The following CPNE4 variants were observed in gnomAD, a reference collection of about 807,000 sequenced individuals.
CPNE4 encodes copine 4.
In CPNE4, 25 loss-of-function variants were observed where a neutral mutation model predicts 67.9. The observed-to-expected ratio is 0.37, with a 90% CI of 0.27 to 0.51. CPNE4 has a LOEUF of 0.51. Ranked by LOEUF, CPNE4 falls within the 20% of genes least tolerant of loss-of-function variation. The pLI, the probability that CPNE4 is intolerant of heterozygous loss-of-function variation, is 0.93. For missense variants in CPNE4, 464 were observed against 690.8 expected (o/e 0.67, Z 3.68); for synonymous variants, 242 against 244.9 (o/e 0.99, Z 0.11).
chr3:131,977,373 A>G (rs900724899), intron 1 of CPNE4, among the ~76,000 whole-genome samples: 1 of 152,188 alleles, frequency 6.6e-6, no homozygotes, highest in Admixed American at 6.5e-5. Flanking sequence ...AGTAATAATT[A>G]GCTATGACAG....
chr3:131,905,430 C>T lies in CPNE4; in HGVS notation c.14G>A (p.Ser5Asn). The stretch of plus-strand genomic sequence containing the variant: ...GTTGGCAGCGGACTCATAAATGTTG[C>T]TCATCTTCTTCATTCTGTTTTAGGC... MKKMSNIYESAANTL... is the reference protein window; with the variant it reads MKKMNNIYESAANTL... The change falls in exon 2 of 16, where the codon AGC becomes AAC. Residue 5 changes from serine (S) to asparagine (N), a missense_variant. By Grantham distance (46) the Ser-to-Asn change is conservative (BLOSUM62 1). This residue lies in a region of CPNE4 where 170 missense variants were observed against 203.3 expected (regional missense o/e 0.84). Transcript: ENST00000429747. 6.2e-7 allele frequency: 1 copy of T among 1,612,492 alleles called. No individual in the cohort carries two copies. The highest frequency in any genetic ancestry group is 1.1e-5 in the South Asian group (1 of 90,880).
At chr3:131,693,360 C>T (rs2081073911) in intron 5 of CPNE4, among the ~76,000 whole-genome samples, 1 of 152,022 alleles carries the variant, frequency 6.6e-6, no homozygotes, top group Non-Finnish European at 1.5e-5. Flanking sequence ...ATATTGGTTA[C>T]ATTGTTTAAA....
intron 1 of CPNE4, among the ~76,000 whole-genome samples, chr3:132,003,765 A>G (rs2107667348): frequency 6.6e-6 from 1 of 152,184 alleles, no homozygotes. Context: ...TCTCCATCCA[A>G]GTTTATTGGG....
rs58116331 is a variant in CPNE4, at chr3:131,993,472, C to CAAAAAAAAAAAA, written c.-2+41083_-2+41094dup. Among the ~76,000 whole-genome samples the CAAAAAAAAAAAA allele has an allele frequency of 7.3e-3, 441 of 60,366 alleles. 66 individuals carry two copies. Among genetic ancestry groups the CAAAAAAAAAAAA allele is most frequent in the African/African-American group, 0.021 (374 of 18,232 alleles). The allele number at this position is 60,366 out of a possible 152,430, so 39.6% of individuals were successfully genotyped here. A position where few individuals can be genotyped will look rare whatever the true frequency, so the allele number is the denominator to read the frequency against. On this transcript the variant is annotated intron_variant, in intron 1 of 15. Coordinates refer to ENST00000429747, the MANE Select transcript of CPNE4 (RefSeq NM_130808.3). ...ACCCTGATTTCGTGTGCAGGAGTGG[C>CAAAAAAAAAAAA]AAAAAAAAAAAAAAAAAGCATAGCT...
chr3:131,868,789 T>C (rs1014766384), intron 2 of CPNE4, among the ~76,000 whole-genome samples: 1 of 152,132 alleles, frequency 6.6e-6, no homozygotes, highest in African/African-American at 2.4e-5. Flanking sequence ...GGAACATCCA[T>C]CAGTGATTAG....
chr3:131,568,385 G>C (rs1333800516), intron 10 of CPNE4, among the ~76,000 whole-genome samples: 6 of 151,968 alleles, frequency 3.9e-5, no homozygotes, highest in Non-Finnish European at 8.8e-5. Context: ...AGTGAAAGAT[G>C]GGATTAAGTT....
chr3:131,691,910 C>A (rs2081042994), intron 5 of CPNE4, among the ~76,000 whole-genome samples: 1 of 152,092 alleles, frequency 6.6e-6, no homozygotes, highest in South Asian at 2.1e-4. Flanking sequence ...AACTCTGGGT[C>A]TAATTGTGTG....
chr3:131,771,655 G>C (rs1371115936), intron 2 of CPNE4, among the ~76,000 whole-genome samples: 1 of 152,070 alleles, frequency 6.6e-6, no homozygotes, highest in Non-Finnish European at 1.5e-5. Flanking sequence ...GCAACCTGTA[G>C]AACCATGAAC....
At chr3:132,016,122 T>G (rs955849039) in intron 1 of CPNE4, among the ~76,000 whole-genome samples, 4 of 152,224 alleles carry the variant, frequency 2.6e-5, no homozygotes, top group Non-Finnish European at 4.4e-5. Context: ...CTTTCAATCC[T>G]GAGCTGTGCA....
chr3:131,786,253 T>C (rs2083560595), intron 2 of CPNE4, among the ~76,000 whole-genome samples: 1 of 152,158 alleles, frequency 6.6e-6, no homozygotes, highest in Admixed American at 6.6e-5. Context: ...GTTTACTTTA[T>C]ACATTTATGT....
chr3:132,023,734 T>G (rs952716892), intron 1 of CPNE4, among the ~76,000 whole-genome samples: 3 of 151,996 alleles, frequency 2.0e-5, no homozygotes, highest in Non-Finnish European at 4.4e-5. Flanking sequence ...TGATCCGCCC[T>G]CCTCGGCCTC....
chr3:131,657,575 G>A (rs1411311820), intron 7 of CPNE4, among the ~76,000 whole-genome samples: 6 of 136,992 alleles, frequency 4.4e-5, no homozygotes, highest in Non-Finnish European at 6.1e-5. Flanking sequence ...TCACTCTGTC[G>A]CCAGGCTGGA....
intron 1 of CPNE4, among the ~76,000 whole-genome samples, chr3:131,953,108 G>T (rs2071819767): frequency 6.6e-6 from 1 of 151,874 alleles, no homozygotes; most frequent in Non-Finnish European, 1.5e-5. Context: ...ACACTGCAGA[G>T]GGCCGCAGGG....
chr3:131,620,579 A>G, intron 7 of CPNE4: 1 of 429,566 alleles, frequency 2.3e-6, no homozygotes, highest in South Asian at 9.7e-5. Context: ...TAAATAGCAA[A>G]AAGAACTTAA....
At chr3:131,955,654 C>G (rs1018760481) in intron 1 of CPNE4, among the ~76,000 whole-genome samples, 1 of 151,988 alleles carries the variant, frequency 6.6e-6, no homozygotes, top group East Asian at 1.9e-4. Context: ...GGGAACCAGA[C>G]AGATACATTT....
chr3:131,856,247 T>A (rs1468649633), intron 2 of CPNE4, among the ~76,000 whole-genome samples: 1 of 151,948 alleles, frequency 6.6e-6, no homozygotes, highest in African/African-American at 2.4e-5. Context: ...GTTTATGGTT[T>A]ATGTTTATAA....
chr3:131,968,683 A>G (rs1042872938), intron 1 of CPNE4, among the ~76,000 whole-genome samples: 5 of 152,344 alleles, frequency 3.3e-5, no homozygotes, highest in Middle Eastern at 3.4e-3. Flanking sequence ...TAGAATGGCA[A>G]TCATTAAAAA....
chr3:131,991,846 C>T lies in CPNE4; in HGVS notation c.-2+42721G>A. On this transcript the variant is annotated intron_variant, in intron 1 of 15. Transcript: ENST00000429747. ...ATGGTACCCTGCCATGTCCAAGCTG[C>T]TTCAGCTCCAGCTGTGGCTAAAAGG... Among the ~76,000 whole-genome samples the T allele has an allele frequency of 1.5e-5, 2 of 136,116 alleles. 1 individual carries two copies. Among genetic ancestry groups the T allele is most frequent in the Admixed American group, 1.6e-4 (2 of 12,122 alleles). The allele number at this position is 136,116 out of a possible 152,430, so 89.3% of individuals were successfully genotyped here. A position where few individuals can be genotyped will look rare whatever the true frequency, so the allele number is the denominator to read the frequency against.
chr3:131,801,354 CCATATATATATATGTA>C (rs1409884529), intron 2 of CPNE4, among the ~76,000 whole-genome samples: 1 of 61,082 alleles, frequency 1.6e-5, no homozygotes, highest in African/African-American at 5.5e-5. Context: ...TATATATGTA[CCATATATATATATGTA>C]CCATATATAT....
Sources: gnomAD v4.1 joint callset for allele counts (sites outside exome capture counted in the v4.1 genomes callset) on GRCh38, gnomAD v4.1.1 for gene constraint, gnomAD v4.1.1 regional missense constraint, MANE v1.5 for transcripts, NCBI Gene and HGNC (gene_info 2026-07-23, HGNC 2026-07-21) for gene names.